CELF1: variants seen among roughly 807,000 people sequenced by gnomAD.
The protein encoded by CELF1 is 50 kDa nuclear polyadenylated RNA-binding protein.
Under a neutral mutation model 61.8 loss-of-function variants are expected in CELF1, and 10 were observed. The ratio of observed to expected loss-of-function variants is 0.16; its 90% CI spans 0.10 to 0.27. CELF1 has a LOEUF of 0.27. Ranked by LOEUF, CELF1 falls within the 10% of genes least tolerant of loss-of-function variation. The pLI, the probability that CELF1 is intolerant of heterozygous loss-of-function variation, is 1.00. For synonymous variants in CELF1, 236 were observed against 225.1 expected (o/e 1.05, Z -0.43); for missense variants, 380 against 639.1 (o/e 0.59, Z 4.37).
At chr11:47,538,237 C>A (rs2096679185) in intron 1 of CELF1, among the ~76,000 whole-genome samples, 1 of 152,178 alleles carries the variant, frequency 6.6e-6, no homozygotes, top group South Asian at 2.1e-4. Flanking sequence ...GATATATTTG[C>A]AATCATCATT....
intron 1 of CELF1, among the ~76,000 whole-genome samples, chr11:47,538,893 T>TG (rs2096704907): frequency 6.6e-6 from 1 of 152,142 alleles, no homozygotes; most frequent in Admixed American, 6.6e-5. Context: ...TCACAGATCA[T>TG]TCATGAAGTT....
chr11:47,506,551 A>G (rs547024984), intron 1 of CELF1, among the ~76,000 whole-genome samples: 1 of 152,232 alleles, frequency 6.6e-6, no homozygotes, highest in Non-Finnish European at 1.5e-5. Context: ...TCTGGTGTAG[A>G]GTATTCCTCC....
intron 1 of CELF1, among the ~76,000 whole-genome samples, chr11:47,534,895 C>CA (rs2096589860): frequency 2.0e-5 from 3 of 152,056 alleles, no homozygotes; most frequent in African/African-American, 7.2e-5. Context: ...CCTGGAGACC[C>CA]ATTCTGTTAG....
At position 47,553,002 on chromosome 11, in the gene CELF1, A is replaced by C. The variant is rs2097183462; in HGVS notation, c.-164T>G. Reference sequence around the variant, plus strand: ...GGCCGCAGCACTCACCAGCGGCTGCACCTGAGCCTGCCGCTGCCTCAGTTG... The same window carrying C: ...GGCCGCAGCACTCACCAGCGGCTGCCCCTGAGCCTGCCGCTGCCTCAGTTG... On this transcript the variant is annotated 5_prime_UTR_variant, in exon 1 of 15. Transcript: ENST00000687097. The C allele has an allele frequency of 2.5e-6, 1 of 396,300 alleles. No homozygotes were observed. The highest frequency in any genetic ancestry group is 1.3e-4 in the South Asian group (1 of 7,954). 24.5% of individuals were successfully genotyped at this position (396,300 alleles called of 1,614,324 possible).
At chr11:47,487,850 A>G (rs2088521767) in intron 4 of CELF1, among the ~76,000 whole-genome samples, 1 of 152,266 alleles carries the variant, frequency 6.6e-6, no homozygotes, top group Non-Finnish European at 1.5e-5. Context: ...TGTGCTTTGT[A>G]TCTTTATTTT....
rs2085393001 is a variant in CELF1 at position 47,484,486 on chromosome 11, G to C, written c.429C>G (p.Ser143=). Residue 143 remains serine (S), a synonymous_variant, in exon 7 of 15, where the codon TCC becomes TCG. Transcript: ENST00000687097. Reference sequence around the variant, plus strand: ...GGATGTCATTTTCAGTGCACTTCTTGGAAATCATACCAATAAACAGCTTCC... The same window carrying C: ...GGATGTCATTTTCAGTGCACTTCTTCGAAATCATACCAATAAACAGCTTCC... ...EDRKLFIGMI[S]KKCTENDIRV... The C allele has an allele frequency of 6.2e-7, 1 of 1,612,966 alleles. No homozygotes were observed. The highest frequency in any genetic ancestry group is 1.7e-5 in the Admixed American group (1 of 59,668).
chr11:47,493,350 A>AAG (rs1350459758), intron 3 of CELF1, among the ~76,000 whole-genome samples: 99 of 150,192 alleles, frequency 6.6e-4, no homozygotes, highest in African/African-American at 2.4e-3. Flanking sequence ...AAAAAAAAAA[A>AAG]AAAAAAAATT....
At chr11:47,533,635 A>AATACATAC (rs61663256) in intron 1 of CELF1, among the ~76,000 whole-genome samples, 100,745 of 148,660 alleles carry the variant, frequency 0.68, 34,513 homozygotes, top group African/African-American at 0.78. Context: ...AAAATAAATA[A>AATACATAC]ATACATACAT....
chr11:47,501,518 G>T (rs1486972261), intron 1 of CELF1, among the ~76,000 whole-genome samples: 1 of 152,138 alleles, frequency 6.6e-6, no homozygotes, highest in Non-Finnish European at 1.5e-5. Context: ...CTTTAAAAAG[G>T]CTGAGCAACA....
chr11:47,491,918 C>T (rs371525774), intron 3 of CELF1, among the ~76,000 whole-genome samples: 18 of 152,344 alleles, frequency 1.2e-4, no homozygotes, highest in Non-Finnish European at 7.3e-5. Context: ...TGCACAAAAA[C>T]AGCACCCAAA....
chr11:47,500,741 TCC>T, intron 2 of CELF1, 118 bp downstream of exon 2: 1 of 393,804 alleles, frequency 2.5e-6, no homozygotes, highest in South Asian at 1.4e-4. Context: ...TAGCTCCACA[TCC>T]CCCCAAACAA....
In CELF1 at chr11:47,549,848, G is replaced by A. The variant is rs185809726; in HGVS notation, c.-154+3144C>T. Among the ~76,000 whole-genome samples the A allele has an allele frequency of 7.0e-3, 1,040 of 147,636 alleles. 15 individuals carry two copies. The highest frequency in any genetic ancestry group is 0.024 in the African/African-American group (964 of 40,268). On this transcript the variant is annotated intron_variant, in intron 1 of 14. Transcript: ENST00000687097. Reference sequence around the variant, plus strand: ...TTTTTTTTTTCTGAGACAGAGTCTTGCCTTGTTGCCCAGGCTGGAGTGCAG... The same window carrying A: ...TTTTTTTTTTCTGAGACAGAGTCTTACCTTGTTGCCCAGGCTGGAGTGCAG...
chr11:47,556,757 T>C (rs2097206876), upstream of CELF1, among the ~76,000 whole-genome samples: 1 of 152,148 alleles, frequency 6.6e-6, no homozygotes, highest in Non-Finnish European at 1.5e-5. Context: ...CATGTACATC[T>C]GCAGTTCCAA....
At chr11:47,529,823 AAGAG>A in intron 1 of CELF1, among the ~76,000 whole-genome samples, 1 of 152,256 alleles carries the variant, frequency 6.6e-6, no homozygotes, top group Middle Eastern at 3.4e-3. Context: ...TTAAAAAAAA[AAGAG>A]AGACAAATAC....
At chr11:47,507,164 C>T (rs764947453) in intron 1 of CELF1, among the ~76,000 whole-genome samples, 12 of 152,134 alleles carry the variant, frequency 7.9e-5, no homozygotes, top group Non-Finnish European at 1.6e-4. Flanking sequence ...CCTAAAATGT[C>T]GTAACAAATA....
chr11:47,528,937 G>T (rs1159817109), intron 1 of CELF1, among the ~76,000 whole-genome samples: 3 of 151,712 alleles, frequency 2.0e-5, no homozygotes, highest in African/African-American at 7.3e-5. Context: ...TTTTATATCT[G>T]TCTCCCAGGC....
At chr11:47,501,897 T>C (rs1375229842) in intron 1 of CELF1, among the ~76,000 whole-genome samples, 3 of 152,172 alleles carry the variant, frequency 2.0e-5, no homozygotes, top group Non-Finnish European at 4.4e-5. Context: ...GTTATTGTGT[T>C]TTTAATATTT....
intron 1 of CELF1, among the ~76,000 whole-genome samples, chr11:47,550,458 G>C (rs757191350): frequency 3.9e-5 from 6 of 152,142 alleles, no homozygotes; most frequent in Non-Finnish European, 7.4e-5. Context: ...TTGAGCCCGG[G>C]GGACAGGGTG....
At chr11:47,544,110 T>A (rs1329491921) in intron 1 of CELF1, among the ~76,000 whole-genome samples, 1 of 152,162 alleles carries the variant, frequency 6.6e-6, no homozygotes, top group Non-Finnish European at 1.5e-5. Flanking sequence ...CACACAAATC[T>A]TATCCCTTAA....
Sources: allele counts gnomAD v4.1 joint callset (sites outside exome capture counted in the v4.1 genomes callset), GRCh38; gene constraint gnomAD v4.1.1; transcripts MANE v1.5; gene names NCBI Gene and HGNC (gene_info 2026-07-23, HGNC 2026-07-21).